Variants in NOD2 observed in about 807,000 individuals in gnomAD.
The protein encoded by NOD2 is nucleotide-binding oligomerization domain-containing protein 2.
A neutral mutation model predicts 90.9 loss-of-function variants in NOD2; 86 were observed. The ratio of observed to expected loss-of-function variants is 0.95; its 90% CI spans 0.79 to 1.13. The LOEUF (loss-of-function observed/expected upper bound fraction) is 1.13. NOD2 is among the 50% of genes most tolerant of loss of function. NOD2 has a pLI of 0.00. For missense variants in NOD2, 1,238 were observed against 1,283.8 expected (o/e 0.96, Z 0.55); for synonymous variants, 581 against 554.6 (o/e 1.05, Z -0.67).
In NOD2 at chr16:50,693,626, G is replaced by C. The variant is rs1345167189; in HGVS notation, c.-45G>C. On this transcript the variant is annotated 5_prime_UTR_variant, in exon 1 of 12. Coordinates refer to ENST00000647318, the MANE Select transcript of NOD2 (RefSeq NM_001370466.1). ...GAGCCGGAGCCGGGAGTCGTGGCCC[G>C]GAGTGGGCCTTGGAGTCGGCGCGCA... The C allele has an allele frequency of 1.3e-5, 2 of 152,790 alleles. No individual in the cohort carries two copies. Among genetic ancestry groups the C allele is most frequent in the Admixed American group, 1.3e-4 (2 of 15,276 alleles). 9.5% of individuals were successfully genotyped at this position (152,790 alleles called of 1,614,324 possible). A position where few individuals can be genotyped will look rare whatever the true frequency, so the allele number is the denominator to read the frequency against.
chr16:50,721,406 G>A (rs1965054593), intron 7 of NOD2, among the ~76,000 whole-genome samples: 1 of 147,466 alleles, frequency 6.8e-6, no homozygotes, highest in South Asian at 2.2e-4. Flanking sequence ...TTTTGTTTTT[G>A]TTGTTGTTTT....
intron 3 of NOD2, among the ~76,000 whole-genome samples, chr16:50,709,693 A>G (rs1964371370): frequency 6.6e-6 from 1 of 152,080 alleles, no homozygotes; most frequent in East Asian, 1.9e-4. Flanking sequence ...TCATCTCCCC[A>G]TCTCGAAGTT....
At chr16:50,712,488 C>G in intron 4 of NOD2, 115 bp downstream of exon 4, 1 of 1,265,350 alleles carries the variant, frequency 7.9e-7, no homozygotes, top group Non-Finnish European at 1.1e-6. Flanking sequence ...TGCCACCCTG[C>G]TTTGCAACAC....
In NOD2 at chr16:50,731,112, G is replaced by A. The variant is rs1965438263; in HGVS notation, c.2970-635G>A. On this transcript the variant is annotated intron_variant, in intron 11 of 11. Transcript: ENST00000647318. ...TTGAACCCAGGAGTTCAAGGCTGCA[G>A]TGGGCCATGATTGCATCACTGCACA... 2.6e-5 allele frequency among the ~76,000 whole-genome samples: 4 copies of A among 152,168 alleles called. No individual in the cohort carries two copies. The South Asian group carries it at 8.3e-4, about 31-fold the overall frequency.
intron 2 of NOD2, among the ~76,000 whole-genome samples, chr16:50,706,609 C>A (rs945397881): frequency 6.6e-6 from 1 of 151,992 alleles, no homozygotes; most frequent in Non-Finnish European, 1.5e-5. Context: ...CTGGCTGGTC[C>A]ACATGGAGTT....
chr16:50,696,475 G>C (rs771189529), intron 1 of NOD2: 2 of 152,360 alleles, frequency 1.3e-5, no homozygotes, highest in Non-Finnish European at 2.9e-5. Context: ...GGGGAAGCCC[G>C]ACCAGGTAAT....
intron 2 of NOD2, among the ~76,000 whole-genome samples, chr16:50,704,059 C>T (rs150482606): frequency 6.6e-5 from 10 of 152,282 alleles, no homozygotes; most frequent in African/African-American, 2.2e-4. Flanking sequence ...ACTGAGGCAG[C>T]GGGAGTTGAA....
intron 1 of NOD2, chr16:50,697,547 A>T (rs1056517598): frequency 1.5e-5 from 9 of 619,854 alleles, no homozygotes; most frequent in African/African-American, 9.1e-5. Context: ...GAACCACTCC[A>T]GGGCCAAGCC....
rs764563350 is a variant in NOD2 at position 50,697,265 on chromosome 16, G to T, written c.-8-2223G>T. ...TTTGATGGGGGAAGAGGGTGGTTCA[G>T]CCTCTCACGATGAGGAGGAAAGAGC... On this transcript the variant is annotated intron_variant, in intron 1 of 11. Coordinates refer to ENST00000647318, the MANE Select transcript of NOD2 (RefSeq NM_001370466.1). The T allele has an allele frequency of 1.0e-5, 16 of 1,559,340 alleles. No individual in the cohort carries two copies. Among genetic ancestry groups the T allele is most frequent in the Non-Finnish European group, 1.4e-5 (16 of 1,150,994 alleles).
chr16:50,731,826 C>A lies in NOD2; in HGVS notation c.*7C>A. The A allele has an allele frequency of 6.2e-7, 1 of 1,609,410 alleles. No individual in the cohort carries two copies. Among genetic ancestry groups the A allele is most frequent in the Non-Finnish European group, 8.5e-7 (1 of 1,175,942 alleles). ...CACCAGACTCTTGCTTTGAAGTCTC[C>A]GGGAGGATGTTCGTCTCAGTTTGTT... On this transcript the variant is annotated 3_prime_UTR_variant, in exon 12 of 12. Coordinates refer to ENST00000647318, the MANE Select transcript of NOD2 (RefSeq NM_001370466.1).
intron 6 of NOD2, among the ~76,000 whole-genome samples, chr16:50,717,968 C>G (rs183640762): frequency 6.6e-6 from 1 of 152,356 alleles, no homozygotes; most frequent in East Asian, 1.9e-4. Context: ...TTCCCAATAC[C>G]TACACACCTG....
At chr16:50,714,055 C>T (rs1044521934) in intron 4 of NOD2, among the ~76,000 whole-genome samples, 4 of 152,188 alleles carry the variant, frequency 2.6e-5, no homozygotes, top group Admixed American at 2.6e-4. Flanking sequence ...GGAGCAATTT[C>T]CCTGATAGAA....
chr16:50,697,799 C>G (rs868116712), intron 1 of NOD2: 4 of 220,120 alleles, frequency 1.8e-5, no homozygotes, highest in South Asian at 5.7e-5. Flanking sequence ...CCCCTGTGCC[C>G]CAGCAGCGTT....
Position 50,711,231 on chromosome 16 carries a change from C to A in NOD2, c.1239C>A (p.Thr413=). ...VSAFLRKYIR[T]EFNLKGFSEQ... The stretch of plus-strand genomic sequence containing the variant: ...CGTTCCTCAGGAAGTACATCCGCAC[C>A]GAGTTCAACCTCAAGGGCTTCTCTG... Residue 413 remains threonine (T), a synonymous_variant, in exon 4 of 12, where the codon ACC becomes ACA. Coordinates refer to ENST00000647318, the MANE Select transcript of NOD2 (RefSeq NM_001370466.1). 1.9e-6 allele frequency: 3 copies of A among 1,614,008 alleles called. No individual in the cohort carries two copies. Among genetic ancestry groups the A allele is most frequent in the Non-Finnish European group, 2.5e-6 (3 of 1,180,038 alleles).
chr16:50,728,255 T>C, intron 10 of NOD2: 3 of 286,226 alleles, frequency 1.0e-5, no homozygotes, highest in East Asian at 9.3e-5. Flanking sequence ...GGCCTGCCAG[T>C]ACACTCCTCA....
At chr16:50,707,742 C>G (rs1964263685) in intron 2 of NOD2, 113 bp from the exon 3 acceptor site, 1 of 812,540 alleles carries the variant, frequency 1.2e-6, no homozygotes, top group Non-Finnish European at 2.2e-6. Flanking sequence ...GTTTTTTTGA[C>G]CTTTTATTCT....
At chr16:50,723,228 G>T in intron 8 of NOD2, 73 bp from the exon 9 acceptor site, 1 of 1,293,508 alleles carries the variant, frequency 7.7e-7, no homozygotes, top group Admixed American at 1.9e-5. Context: ...CACGAATTTT[G>T]CCCTCCATAG....
intron 6 of NOD2, among the ~76,000 whole-genome samples, chr16:50,719,116 C>T (rs565777205): frequency 6.6e-6 from 1 of 152,226 alleles, no homozygotes; most frequent in African/African-American, 2.4e-5. Context: ...AGTGCAGATG[C>T]GAGGATGTTA....
chr16:50,716,267 G>T (rs1964789509), intron 4 of NOD2, among the ~76,000 whole-genome samples: 1 of 152,228 alleles, frequency 6.6e-6, no homozygotes, highest in Admixed American at 6.5e-5. Flanking sequence ...TTGTGAGGCT[G>T]CTGTGATTAT....
Sources: allele counts gnomAD v4.1 joint callset (sites outside exome capture counted in the v4.1 genomes callset), GRCh38; gene constraint gnomAD v4.1.1; transcripts MANE v1.5; gene names NCBI Gene and HGNC (gene_info 2026-07-23, HGNC 2026-07-21).